MAPK10: variants seen among roughly 807,000 people sequenced by gnomAD.
MAPK10 encodes JNK3 alpha protein kinase.
MAPK10 carries 25 observed loss-of-function variants against 59.3 expected under a neutral mutation model. The observed-to-expected ratio is 0.42, with a 90% CI of 0.31 to 0.59. The LOEUF (loss-of-function observed/expected upper bound fraction) is 0.59, where lower values mean the gene tolerates loss of function less well. Among genes scored for constraint, MAPK10 ranks in the 20% least tolerant of loss-of-function variants. The pLI, the probability that MAPK10 is intolerant of heterozygous loss-of-function variation, is 0.15. For synonymous variants in MAPK10, 190 were observed against 200.5 expected (o/e 0.95, Z 0.44); for missense variants, 351 against 568.9 (o/e 0.62, Z 3.90).
At chr4:86,175,123 T>A (rs934915637) in intron 3 of MAPK10, among the ~76,000 whole-genome samples, 2 of 152,166 alleles carry the variant, frequency 1.3e-5, no homozygotes, top group African/African-American at 4.8e-5. Context: ...GTAGTAATAA[T>A]AAATTTTATT....
chr4:86,113,253 C>A (rs1358455858), intron 4 of MAPK10, among the ~76,000 whole-genome samples: 1 of 152,116 alleles, frequency 6.6e-6, no homozygotes, highest in African/African-American at 2.4e-5. Context: ...TTGATCCTGT[C>A]ATCATGATGC....
At chr4:86,112,709 T>A (rs1440310290) in intron 4 of MAPK10, among the ~76,000 whole-genome samples, 2 of 151,892 alleles carry the variant, frequency 1.3e-5, no homozygotes, top group Non-Finnish European at 2.9e-5. Context: ...GGTGGAAAGT[T>A]CTGTAGATAT....
intron 3 of MAPK10, among the ~76,000 whole-genome samples, chr4:86,169,251 C>T (rs922983453): frequency 5.9e-5 from 9 of 151,652 alleles, no homozygotes; most frequent in East Asian, 1.9e-4. Context: ...AGGCTACAGA[C>T]GATCAAACTA....
intron 1 of MAPK10, among the ~76,000 whole-genome samples, chr4:86,487,360 A>G (rs75682408): frequency 3.0e-5 from 1 of 33,022 alleles, no homozygotes; most frequent in Non-Finnish European, 8.1e-5. Context: ...AGAGAGAGAG[A>G]GAGTGTGTGT....
At chr4:86,232,690 GT>G (rs1450987711) in intron 2 of MAPK10, among the ~76,000 whole-genome samples, 2 of 152,088 alleles carry the variant, frequency 1.3e-5, no homozygotes, top group African/African-American at 4.8e-5. Flanking sequence ...AATTTTTTCT[GT>G]ATGTATTTTT....
intron 2 of MAPK10, among the ~76,000 whole-genome samples, chr4:86,343,921 T>A (rs1425704180): frequency 3.3e-5 from 5 of 152,228 alleles, no homozygotes; most frequent in African/African-American, 4.8e-5. Flanking sequence ...GTAATGGGTT[T>A]ACAATCATTG....
chr4:86,561,503 A>G (rs1190299750), intron 1 of MAPK10, among the ~76,000 whole-genome samples: 3 of 152,210 alleles, frequency 2.0e-5, no homozygotes, highest in Non-Finnish European at 4.4e-5. Flanking sequence ...TCTTATCTAC[A>G]ATCAACTGTT....
chr4:86,404,270 G>A (rs1744087065), intron 1 of MAPK10, among the ~76,000 whole-genome samples: 1 of 152,046 alleles, frequency 6.6e-6, no homozygotes, highest in Non-Finnish European at 1.5e-5. Flanking sequence ...TGACATGGGA[G>A]AGAATGGTAC....
chr4:86,459,238 C>T (rs1564902448), intron 1 of MAPK10, among the ~76,000 whole-genome samples: 1 of 152,082 alleles, frequency 6.6e-6, no homozygotes, highest in Non-Finnish European at 1.5e-5. Flanking sequence ...GCAAGAATGG[C>T]TATAATCAAA....
intron 1 of MAPK10, among the ~76,000 whole-genome samples, chr4:86,412,729 G>A (rs4693769): frequency 0.27 from 41,184 of 151,868 alleles, 6,012 homozygotes; most frequent in Non-Finnish European, 0.32. Context: ...CAAAGTTCTC[G>A]TGCTGTGGTT....
chr4:86,330,818 T>C (rs1244971006), intron 2 of MAPK10, among the ~76,000 whole-genome samples: 9 of 152,218 alleles, frequency 5.9e-5, no homozygotes, highest in Admixed American at 5.2e-4. Context: ...ATAGGTTAAT[T>C]TGACATAGTC....
intron 11 of MAPK10, among the ~76,000 whole-genome samples, chr4:86,043,635 T>C (rs1426015644): frequency 2.0e-5 from 3 of 152,122 alleles, no homozygotes; most frequent in African/African-American, 7.2e-5. Context: ...AAGAAGTAAT[T>C]GCCACTGGAA....
intron 1 of MAPK10, among the ~76,000 whole-genome samples, chr4:86,367,657 T>A (rs958275978): frequency 6.6e-6 from 1 of 152,064 alleles, no homozygotes; most frequent in African/African-American, 2.4e-5. Flanking sequence ...ATTTGTTTTT[T>A]TTTTTGTTTT....
intron 11 of MAPK10, among the ~76,000 whole-genome samples, chr4:86,053,368 G>A (rs1468008722): frequency 2.6e-5 from 4 of 152,134 alleles, no homozygotes; most frequent in Non-Finnish European, 5.9e-5. Context: ...GAGATTCTTT[G>A]ATGATGGACA....
chr4:86,151,707 A>G (rs919760549), intron 4 of MAPK10, among the ~76,000 whole-genome samples: 1 of 152,170 alleles, frequency 6.6e-6, no homozygotes, highest in Non-Finnish European at 1.5e-5. Flanking sequence ...ATGTCCATAA[A>G]AAGATGTAGG....
At chr4:86,381,577 A>T (rs772676608) in intron 1 of MAPK10, among the ~76,000 whole-genome samples, 1 of 152,182 alleles carries the variant, frequency 6.6e-6, no homozygotes, top group Non-Finnish European at 1.5e-5. Context: ...GGAGAAAGGA[A>T]GAAGCCAAGG....
chr4:86,020,232 T>TC (rs1459543205), intron 13 of MAPK10: 1 of 152,258 alleles, frequency 6.6e-6, no homozygotes. Flanking sequence ...TTTTAAGGCT[T>TC]ATCCATGCTG....
intron 1 of MAPK10, among the ~76,000 whole-genome samples, chr4:86,428,668 T>C (rs1464625410): frequency 6.6e-6 from 1 of 152,188 alleles, no homozygotes; most frequent in Admixed American, 6.5e-5. Flanking sequence ...TGCTATGTTT[T>C]TTCAAAAATA....
At chr4:86,150,674 A>T (rs909477251) in intron 4 of MAPK10, among the ~76,000 whole-genome samples, 4 of 152,120 alleles carry the variant, frequency 2.6e-5, no homozygotes, top group Non-Finnish European at 2.9e-5. Flanking sequence ...ATCCTGGCTA[A>T]CACGGTGAAA....
Sources: gnomAD v4.1 joint callset for allele counts (sites outside exome capture counted in the v4.1 genomes callset) on GRCh38, gnomAD v4.1.1 for gene constraint, MANE v1.5 for transcripts, NCBI Gene and HGNC (gene_info 2026-07-23, HGNC 2026-07-21) for gene names.